NELL1: variants seen among roughly 807,000 people sequenced by gnomAD.
NELL1 encodes neural EGFL like 1, also known as protein kinase C-binding protein NELL1.
NELL1 carries 76 observed loss-of-function variants against 107.4 expected under a neutral mutation model. The ratio of observed to expected loss-of-function variants is 0.71; its 90% confidence interval spans 0.59 to 0.86. The LOEUF is 0.86. NELL1 is among the 40% of genes least tolerant of loss of function. The pLI, the probability that NELL1 is intolerant of heterozygous loss-of-function variation, is 0.00. For synonymous variants in NELL1, 353 were observed against 341.2 expected (o/e 1.03, Z -0.38); for missense variants, 1,024 against 1,005.5 (o/e 1.02, Z -0.25).
intron 14 of NELL1, among the ~76,000 whole-genome samples, chr11:21,280,116 A>C (rs1177996793): frequency 1.3e-5 from 2 of 152,194 alleles, no homozygotes; most frequent in East Asian, 3.9e-4. Context: ...CTACTCTGTA[A>C]TGATACTACA....
chr11:21,522,233 C>CA (rs34810194), intron 15 of NELL1, among the ~76,000 whole-genome samples: 49,890 of 128,238 alleles, frequency 0.39, 10,128 homozygotes, highest in Non-Finnish European at 0.5. Flanking sequence ...GACTCCGTCT[C>CA]AAAAAAAAAA....
chr11:21,314,438 C>T (rs80310381), intron 14 of NELL1, among the ~76,000 whole-genome samples: 3,630 of 152,176 alleles, frequency 0.024, 147 homozygotes, highest in African/African-American at 0.084. Context: ...TGCCATAGAA[C>T]TGTGGTGAGA....
intron 12 of NELL1, among the ~76,000 whole-genome samples, chr11:21,096,423 A>T (rs1264100145): frequency 6.6e-6 from 1 of 152,180 alleles, no homozygotes; most frequent in African/African-American, 2.4e-5. Context: ...CAGAAGCAGC[A>T]TCAACTTTTC....
At chr11:20,759,938 C>T (rs1256900098) in intron 2 of NELL1, among the ~76,000 whole-genome samples, 1 of 152,218 alleles carries the variant, frequency 6.6e-6, no homozygotes, top group Non-Finnish European at 1.5e-5. Context: ...AGGAACTATC[C>T]TGTCTCCTGT....
intron 4 of NELL1, among the ~76,000 whole-genome samples, chr11:20,858,117 CTTAGAGCAGTGAAGT>C (rs1042191028): frequency 1.3e-5 from 2 of 152,184 alleles, no homozygotes; most frequent in African/African-American, 4.8e-5. Flanking sequence ...GGGACACCTA[CTTAGAGCAGTGAAGT>C]ACTCTACAAG....
intron 13 of NELL1, among the ~76,000 whole-genome samples, chr11:21,223,302 A>G (rs1482767992): frequency 2.6e-5 from 4 of 152,016 alleles, no homozygotes; most frequent in East Asian, 3.9e-4. Flanking sequence ...TGATTCCCTT[A>G]TCATTATATA....
intron 14 of NELL1, among the ~76,000 whole-genome samples, chr11:21,329,059 G>A (rs1850212599): frequency 6.6e-6 from 1 of 152,086 alleles, no homozygotes; most frequent in Non-Finnish European, 1.5e-5. Context: ...ATTGGGAAAG[G>A]CATGATTATG....
chr11:21,371,997 T>C (rs1851367513), intron 15 of NELL1, among the ~76,000 whole-genome samples: 1 of 152,046 alleles, frequency 6.6e-6, no homozygotes, highest in African/African-American at 2.4e-5. Context: ...TTTAAAGACA[T>C]GCCAAAAGGT....
chr11:20,945,363 T>A (rs1283777117), intron 10 of NELL1, among the ~76,000 whole-genome samples: 1 of 152,262 alleles, frequency 6.6e-6, no homozygotes, highest in Non-Finnish European at 1.5e-5. Context: ...ATTCATTCAC[T>A]GGCTTTGGGT....
At chr11:21,264,046 T>C (rs1402636076) in intron 14 of NELL1, among the ~76,000 whole-genome samples, 2 of 135,216 alleles carry the variant, frequency 1.5e-5, no homozygotes, top group African/African-American at 5.4e-5. Flanking sequence ...AGCTTCTCTG[T>C]TAGATGTCTG....
At chr11:20,988,035 G>A (rs1472708081) in intron 12 of NELL1, among the ~76,000 whole-genome samples, 1 of 151,694 alleles carries the variant, frequency 6.6e-6, no homozygotes, top group African/African-American at 2.4e-5. Flanking sequence ...TGTGCTCAGC[G>A]TTCTGAGTCA....
intron 14 of NELL1, among the ~76,000 whole-genome samples, chr11:21,313,776 A>T (rs1196353507): frequency 6.6e-6 from 1 of 152,120 alleles, no homozygotes; most frequent in African/African-American, 2.4e-5. Context: ...GTGATAACCC[A>T]TTAATCCATT....
intron 14 of NELL1, among the ~76,000 whole-genome samples, chr11:21,248,113 G>T (rs1858540792): frequency 6.6e-6 from 1 of 152,182 alleles, no homozygotes; most frequent in South Asian, 2.1e-4. Flanking sequence ...GGCAGGCCAG[G>T]GCTGGTGGAT....
chr11:20,872,171 ATTTT>A (rs549212186), intron 4 of NELL1, among the ~76,000 whole-genome samples: 4 of 103,960 alleles, frequency 3.8e-5, no homozygotes, highest in African/African-American at 6.5e-5. Context: ...TCTATCAGAG[ATTTT>A]TTTTTTTTTT....
chr11:20,927,674 T>TGATTTAATAG (rs1850529918), intron 8 of NELL1, among the ~76,000 whole-genome samples: 1 of 152,192 alleles, frequency 6.6e-6, no homozygotes, highest in Non-Finnish European at 1.5e-5. Context: ...CACCCTAATT[T>TGATTTAATAG]GATTTAATAG....
At chr11:21,346,688 T>G (rs1219007856) in intron 14 of NELL1, among the ~76,000 whole-genome samples, 3 of 148,668 alleles carry the variant, frequency 2.0e-5, no homozygotes, top group Admixed American at 1.3e-4. Flanking sequence ...ATATAATATA[T>G]ATGATATATA....
intron 12 of NELL1, among the ~76,000 whole-genome samples, chr11:20,986,184 A>G (rs879733151): frequency 3.3e-5 from 5 of 152,116 alleles, no homozygotes; most frequent in Admixed American, 6.6e-5. Flanking sequence ...TTTACAAGCC[A>G]GGGAGCCTTC....
chr11:21,006,359 T>C (rs1852327862), intron 12 of NELL1, among the ~76,000 whole-genome samples: 1 of 152,130 alleles, frequency 6.6e-6, no homozygotes, highest in Admixed American at 6.5e-5. Context: ...AATGCAGTAA[T>C]GCTGTCTTCC....
At chr11:20,677,593 C>T (rs1854090059) in intron 1 of NELL1, among the ~76,000 whole-genome samples, 1 of 152,150 alleles carries the variant, frequency 6.6e-6, no homozygotes, top group Non-Finnish European at 1.5e-5. Flanking sequence ...CTGAGTTAGA[C>T]TTTGCTAAAA....
Sources: allele counts gnomAD v4.1 joint callset (sites outside exome capture counted in the v4.1 genomes callset), GRCh38; gene constraint gnomAD v4.1.1; transcripts MANE v1.5; gene names NCBI Gene and HGNC (gene_info 2026-07-23, HGNC 2026-07-21).